The following HOMER1 variants were observed in gnomAD, a reference collection of about 807,000 sequenced individuals.
HOMER1 encodes the protein homer scaffold protein 1.
In HOMER1, 3 loss-of-function variants were observed where a neutral mutation model predicts 48.9. The ratio of observed to expected loss-of-function variants is 0.06; its 90% CI spans 0.03 to 0.16. The LOEUF is 0.16. Among genes scored for constraint, HOMER1 ranks in the 10% least tolerant of loss-of-function variants. HOMER1 has a pLI of 1.00. For synonymous variants in HOMER1, 134 were observed against 146.4 expected (o/e 0.92, Z 0.61); for missense variants, 247 against 411.4 (o/e 0.60, Z 3.46).
chr5:79,384,249 A>AAATTGATAAATCACTAGCT (rs1298381953), intron 8 of HOMER1, among the ~76,000 whole-genome samples: 1 of 152,138 alleles, frequency 6.6e-6, no homozygotes, highest in Non-Finnish European at 1.5e-5. Context: ...AAGATAAACA[A>AAATTGATAAATCACTAGCT]AATTGATAAA....
chr5:79,512,833 A>C lies in HOMER1; in HGVS notation c.-59T>G. The C allele has an allele frequency of 6.3e-7, 1 of 1,575,502 alleles. No individual in the cohort carries two copies. Among genetic ancestry groups the C allele is most frequent in the South Asian group, 1.1e-5 (1 of 90,136 alleles). ...CTCTTATGCTACGGAATAACTTCCA[A>C]AGGAATTTCTCCGTCTGCTATTTCG... On this transcript the variant is annotated 5_prime_UTR_variant, in exon 1 of 9. Coordinates refer to ENST00000334082, the MANE Select transcript of HOMER1 (RefSeq NM_004272.5).
chr5:79,492,801 GA>G, intron 1 of HOMER1, among the ~76,000 whole-genome samples: 1 of 151,058 alleles, frequency 6.6e-6, no homozygotes, highest in African/African-American at 2.4e-5. Flanking sequence ...GCTAAGGGGG[GA>G]AAAAGTGATA....
intron 5 of HOMER1, among the ~76,000 whole-genome samples, chr5:79,432,248 A>G (rs529642287): frequency 5.3e-5 from 8 of 152,200 alleles, no homozygotes; most frequent in Non-Finnish European, 7.3e-5. Flanking sequence ...CTCCCTTCCA[A>G]TGAAATCCCC....
intron 1 of HOMER1, among the ~76,000 whole-genome samples, chr5:79,485,171 T>C (rs1752063744): frequency 1.3e-5 from 2 of 152,200 alleles, no homozygotes; most frequent in East Asian, 1.9e-4. Flanking sequence ...GTAAATATAT[T>C]TGGCTATTCC....
At chr5:79,479,936 G>A (rs1347839518) in intron 1 of HOMER1, among the ~76,000 whole-genome samples, 1 of 152,156 alleles carries the variant, frequency 6.6e-6, no homozygotes, top group Admixed American at 6.5e-5. Flanking sequence ...TTTGCCAACT[G>A]GGTATCTTCG....
At chr5:79,437,607 A>G (rs1460292696) in intron 5 of HOMER1, among the ~76,000 whole-genome samples, 1 of 152,210 alleles carries the variant, frequency 6.6e-6, no homozygotes, top group Admixed American at 6.5e-5. Flanking sequence ...ACTGTTAGCA[A>G]CAAATTAGAA....
chr5:79,411,584 G>A (rs1433566807), intron 5 of HOMER1, among the ~76,000 whole-genome samples: 3 of 151,994 alleles, frequency 2.0e-5, no homozygotes, highest in Non-Finnish European at 4.4e-5. Flanking sequence ...ACTTCAAAAG[G>A]CTCTATTTTC....
chr5:79,475,548 C>CT (rs1232592953), intron 1 of HOMER1, among the ~76,000 whole-genome samples: 2 of 151,422 alleles, frequency 1.3e-5, no homozygotes, highest in African/African-American at 4.9e-5. Flanking sequence ...TCATGTCATC[C>CT]TTCTCAGAAT....
intron 5 of HOMER1, among the ~76,000 whole-genome samples, chr5:79,412,765 A>C (rs182269860): frequency 6.6e-6 from 1 of 152,268 alleles, no homozygotes; most frequent in Non-Finnish European, 1.5e-5. Flanking sequence ...GACACAAAGA[A>C]TGAGGAAAAT....
intron 5 of HOMER1, among the ~76,000 whole-genome samples, chr5:79,413,207 G>A (rs1222949639): frequency 6.6e-6 from 1 of 152,072 alleles, no homozygotes; most frequent in Non-Finnish European, 1.5e-5. Flanking sequence ...ATAAGAGAAA[G>A]AGTACAGTTC....
At chr5:79,414,456 T>G (rs1561354638) in intron 5 of HOMER1, among the ~76,000 whole-genome samples, 2 of 151,952 alleles carry the variant, frequency 1.3e-5, no homozygotes, top group South Asian at 4.2e-4. Context: ...CATAGCTCAC[T>G]GCAACTCTGA....
chr5:79,491,303 G>A (rs948721234), intron 1 of HOMER1, among the ~76,000 whole-genome samples: 1 of 151,204 alleles, frequency 6.6e-6, no homozygotes, highest in Non-Finnish European at 1.5e-5. Flanking sequence ...TGTGCCTCTA[G>A]TCCCAGCTAC....
intron 5 of HOMER1, among the ~76,000 whole-genome samples, chr5:79,407,543 A>C (rs1389234573): frequency 1.3e-5 from 2 of 152,252 alleles, no homozygotes; most frequent in Non-Finnish European, 2.9e-5. Flanking sequence ...AGAACATAAC[A>C]ACAGAGGTGA....
At chr5:79,468,402 G>C (rs1751533496) in intron 1 of HOMER1, among the ~76,000 whole-genome samples, 1 of 152,042 alleles carries the variant, frequency 6.6e-6, no homozygotes, top group South Asian at 2.1e-4. Context: ...CAAAGACTTA[G>C]TATTTTTTTA....
At chr5:79,421,354 C>G (rs536608423) in intron 5 of HOMER1, among the ~76,000 whole-genome samples, 34 of 152,186 alleles carry the variant, frequency 2.2e-4, no homozygotes, top group Non-Finnish European at 1.5e-4. Context: ...ATAAGCTTAA[C>G]TCTCAGTGGA....
intron 5 of HOMER1, among the ~76,000 whole-genome samples, chr5:79,435,865 G>A (rs1313107956): frequency 2.2e-4 from 31 of 142,410 alleles, no homozygotes; most frequent in Non-Finnish European, 3.0e-4. Context: ...GGTGGCTCAC[G>A]CCTGTAATCC....
chr5:79,467,790 G>T (rs9654432), intron 1 of HOMER1, among the ~76,000 whole-genome samples: 40,410 of 151,904 alleles, frequency 0.27, 5,521 homozygotes, highest in South Asian at 0.39. Context: ...CCGGTGTTTT[G>T]TTTTGAGACA....
At chr5:79,391,493 C>A (rs530103005) in intron 8 of HOMER1, among the ~76,000 whole-genome samples, 29 of 151,720 alleles carry the variant, frequency 1.9e-4, no homozygotes, top group African/African-American at 6.8e-4. Flanking sequence ...GCCTGTAATC[C>A]CAGCACTTTG....
intron 1 of HOMER1, among the ~76,000 whole-genome samples, chr5:79,477,173 T>C (rs2112335220): frequency 1.3e-5 from 2 of 152,298 alleles, no homozygotes; most frequent in East Asian, 3.9e-4. Flanking sequence ...AAACAATAGA[T>C]ATATCATAGC....
Sources: gnomAD v4.1 joint callset for allele counts (sites outside exome capture counted in the v4.1 genomes callset) on GRCh38, gnomAD v4.1.1 for gene constraint, MANE v1.5 for transcripts, NCBI Gene and HGNC (gene_info 2026-07-23, HGNC 2026-07-21) for gene names.